Variants in ERBB4 observed in about 807,000 individuals in gnomAD.
ERBB4 encodes the protein receptor tyrosine-protein kinase erbB-4.
A neutral mutation model predicts 158.0 loss-of-function variants in ERBB4; 42 were observed. That is an observed-to-expected ratio of 0.27 (90% CI 0.21 to 0.34). The LOEUF (loss-of-function observed/expected upper bound fraction) is 0.34. ERBB4 is among the 10% of genes least tolerant of loss of function. The probability of loss-of-function intolerance (pLI) is 1.00; values close to 1 mark genes in which losing one functional copy is unlikely to be tolerated. For synonymous variants in ERBB4, 583 were observed against 558.7 expected (o/e 1.04, Z -0.61); for missense variants, 1,333 against 1,624.1 (o/e 0.82, Z 3.08).
chr2:212,019,777 G>GAAA (rs2076607997), intron 2 of ERBB4, among the ~76,000 whole-genome samples: 1 of 117,250 alleles, frequency 8.5e-6, no homozygotes, highest in Non-Finnish European at 1.8e-5. Context: ...AAAAAAAAAA[G>GAAA]GAAAGAAAGA....
chr2:211,787,920 T>C (rs2076202869), intron 4 of ERBB4, 105 bp downstream of exon 4: 1 of 1,099,430 alleles, frequency 9.1e-7, no homozygotes, highest in South Asian at 1.3e-5. Context: ...TTTCAATGAA[T>C]GCAATCAAAG....
intron 14 of ERBB4, among the ~76,000 whole-genome samples, chr2:211,669,321 T>C (rs181668188): frequency 3.8e-4 from 58 of 150,936 alleles, no homozygotes; most frequent in Non-Finnish European, 6.9e-4. Context: ...GCTACTGCAA[T>C]ATGGAGGTTA....
chr2:212,142,474 C>A (rs1456156026), intron 1 of ERBB4, among the ~76,000 whole-genome samples: 1 of 151,022 alleles, frequency 6.6e-6, no homozygotes, highest in African/African-American at 2.4e-5. Flanking sequence ...ATGTTAGGAC[C>A]AGAAAGATCT....
chr2:212,354,917 G>A (rs1948877), intron 1 of ERBB4, among the ~76,000 whole-genome samples: 102,300 of 151,596 alleles, frequency 0.67, 34,831 homozygotes, highest in East Asian at 0.79. Context: ...ATTAAATACA[G>A]ATACTCGTGT....
intron 1 of ERBB4, among the ~76,000 whole-genome samples, chr2:212,428,470 A>T (rs1468022551): frequency 6.6e-6 from 1 of 152,128 alleles, no homozygotes; most frequent in Non-Finnish European, 1.5e-5. Flanking sequence ...GAAAAAGTCA[A>T]ATTCATAGAA....
chr2:211,455,908 C>T (rs1254507260), intron 20 of ERBB4, among the ~76,000 whole-genome samples: 1 of 152,156 alleles, frequency 6.6e-6, no homozygotes, highest in Non-Finnish European at 1.5e-5. Flanking sequence ...TTTCCTCTTT[C>T]TAAAGAGTAG....
At chr2:212,192,121 A>T (rs1201037334) in intron 1 of ERBB4, among the ~76,000 whole-genome samples, 1 of 114,150 alleles carries the variant, frequency 8.8e-6, no homozygotes, top group South Asian at 2.9e-4. Context: ...TATTATATAT[A>T]TTATGTGTTA....
At chr2:211,720,080 C>T (rs927735385) in intron 7 of ERBB4, among the ~76,000 whole-genome samples, 1 of 152,068 alleles carries the variant, frequency 6.6e-6, no homozygotes, top group Admixed American at 6.6e-5. Flanking sequence ...AGCTTCCCAG[C>T]GATGAGCAGG....
At chr2:211,414,020 C>G (rs527586843) in intron 25 of ERBB4, among the ~76,000 whole-genome samples, 11 of 152,022 alleles carry the variant, frequency 7.2e-5, no homozygotes, top group Non-Finnish European at 1.5e-4. Flanking sequence ...CGGGCACGCC[C>G]AGGCAAGCAC....
intron 1 of ERBB4, among the ~76,000 whole-genome samples, chr2:212,271,352 G>C (rs1367373165): frequency 6.6e-6 from 1 of 151,664 alleles, no homozygotes; most frequent in Non-Finnish European, 1.5e-5. Flanking sequence ...TTAGAAAATA[G>C]GTTAGGAAAG....
intron 1 of ERBB4, among the ~76,000 whole-genome samples, chr2:212,500,051 C>A (rs370980686): frequency 1.3e-5 from 2 of 151,882 alleles, no homozygotes; most frequent in South Asian, 4.2e-4. Flanking sequence ...TCCCTTTCCC[C>A]GGAATTTATT....
At chr2:211,398,597 C>G (rs543486611) in intron 25 of ERBB4, among the ~76,000 whole-genome samples, 2 of 152,216 alleles carry the variant, frequency 1.3e-5, no homozygotes, top group South Asian at 2.1e-4. Context: ...AATCCCAGCA[C>G]TTTGGGAGGC....
chr2:212,055,430 G>C (rs2077529269), intron 2 of ERBB4, among the ~76,000 whole-genome samples: 1 of 152,218 alleles, frequency 6.6e-6, no homozygotes, highest in Non-Finnish European at 1.5e-5. Context: ...GAAGAGAGTA[G>C]TGGTTCTCCC....
chr2:212,177,817 T>A (rs957794770), intron 1 of ERBB4, among the ~76,000 whole-genome samples: 1 of 151,920 alleles, frequency 6.6e-6, no homozygotes, highest in Middle Eastern at 3.2e-3. Flanking sequence ...AGATAAGTAG[T>A]CTATGAGAAT....
intron 1 of ERBB4, among the ~76,000 whole-genome samples, chr2:212,152,562 T>A (rs1380295865): frequency 1.3e-5 from 2 of 152,162 alleles, no homozygotes; most frequent in African/African-American, 4.8e-5. Flanking sequence ...TTTCTCTTAA[T>A]CTAAATTTTC....
chr2:211,771,112 TAGG>T (rs1241551616), intron 4 of ERBB4, among the ~76,000 whole-genome samples: 3 of 152,222 alleles, frequency 2.0e-5, no homozygotes, highest in Non-Finnish European at 4.4e-5. Context: ...CTAGAATCAA[TAGG>T]AGAATTCTGA....
At chr2:212,027,633 T>C (rs1264688195) in intron 2 of ERBB4, among the ~76,000 whole-genome samples, 1 of 129,738 alleles carries the variant, frequency 7.7e-6, no homozygotes, top group Non-Finnish European at 1.7e-5. Flanking sequence ...TACACCTCTG[T>C]TGATCACTGT....
At chr2:212,497,646 C>A (rs1243878991) in intron 1 of ERBB4, among the ~76,000 whole-genome samples, 2 of 152,146 alleles carry the variant, frequency 1.3e-5, no homozygotes, top group East Asian at 3.8e-4. Flanking sequence ...AGTTTCGTTT[C>A]ATGAAGGGAA....
At chr2:212,271,064 T>C (rs913290658) in intron 1 of ERBB4, among the ~76,000 whole-genome samples, 18 of 151,858 alleles carry the variant, frequency 1.2e-4, no homozygotes, top group African/African-American at 4.3e-4. Context: ...ATTATCTCCA[T>C]ATTCTAGTAT....
Sources: allele counts gnomAD v4.1 joint callset (sites outside exome capture counted in the v4.1 genomes callset), GRCh38; gene constraint gnomAD v4.1.1; transcripts MANE v1.5; gene names NCBI Gene and HGNC (gene_info 2026-07-23, HGNC 2026-07-21).